Variants in CPEB1 observed in about 807,000 individuals in gnomAD.
CPEB1 encodes cytoplasmic polyadenylation element binding protein 1.
A neutral mutation model predicts 65.8 loss-of-function variants in CPEB1; 7 were observed. That is an observed-to-expected ratio of 0.11 (90% CI 0.06 to 0.20). CPEB1 has a LOEUF of 0.20. CPEB1 is among the 10% of genes least tolerant of loss of function. CPEB1 has a pLI of 1.00. For missense variants in CPEB1, 551 were observed against 712.2 expected, an observed-to-expected ratio of 0.77 and a Z score of 2.58; for synonymous variants, 262 against 260.0, an observed-to-expected ratio of 1.01 and a Z score of -0.08.
chr15:82,564,026 T>A (rs976179673), intron 4 of CPEB1, among the ~76,000 whole-genome samples: 1 of 152,124 alleles, frequency 6.6e-6, no homozygotes, highest in Non-Finnish European at 1.5e-5. Context: ...CTTTTTAAAG[T>A]CTCAAAAAAA....
chr15:82,589,748 C>T (rs1031661794), intron 3 of CPEB1, among the ~76,000 whole-genome samples: 4 of 152,132 alleles, frequency 2.6e-5, no homozygotes, highest in South Asian at 2.1e-4. Context: ...GTATTACAGT[C>T]GGCACTCCCT....
chr15:82,573,058 G>A (rs764215291), intron 3 of CPEB1: 1 of 1,535,472 alleles, frequency 6.5e-7, no homozygotes, highest in South Asian at 1.2e-5. Context: ...CTCCCCTGTT[G>A]CAAGGAGAAG....
At chr15:82,573,036 C>T in intron 3 of CPEB1, 2 of 1,534,638 alleles carry the variant, frequency 1.3e-6, no homozygotes, top group Non-Finnish European at 1.7e-6. Context: ...GGTAGCACTC[C>T]ACCTGCTTGT....
rs771971142 is a variant in CPEB1 at position 82,591,842 on chromosome 15, CT to C, written c.272-20311del. ...ATCATTGTTTTAGTTTGTATCAGAA[CT>C]TTTTTTTTTTTTTTTTTAAGACAGG... On this transcript the variant is annotated intron_variant, in intron 3 of 12. Transcript: ENST00000684509. 6.9e-3 allele frequency among the ~76,000 whole-genome samples: 920 copies of C among 134,014 alleles called. 2 individuals are homozygous for C. The highest frequency in any genetic ancestry group is 0.016 in the Middle Eastern group (4 of 254). 87.9% of individuals were successfully genotyped at this position (134,014 alleles called of 152,430 possible). A position where few individuals can be genotyped will look rare whatever the true frequency, so the allele number is the denominator to read the frequency against.
At chr15:82,545,023 A>G (rs2034915373) in intron 12 of CPEB1, among the ~76,000 whole-genome samples, 1 of 152,322 alleles carries the variant, frequency 6.6e-6, no homozygotes, top group East Asian at 1.9e-4. Context: ...CACCTCCTAC[A>G]GAGTAGTTGT....
intron 1 of CPEB1, among the ~76,000 whole-genome samples, chr15:82,635,598 ATAT>A (rs1366093853): frequency 6.6e-6 from 1 of 152,206 alleles, no homozygotes; most frequent in African/African-American, 2.4e-5. Context: ...GTTCAACCTA[ATAT>A]TATTTCGTAA....
chr15:82,612,484 G>T, intron 3 of CPEB1, among the ~76,000 whole-genome samples: 1 of 137,102 alleles, frequency 7.3e-6, no homozygotes, highest in South Asian at 2.4e-4. Flanking sequence ...GTAACAGAGC[G>T]AGAGTCTGTC....
chr15:82,548,606 G>T (rs1181979205), intron 10 of CPEB1: 2 of 395,110 alleles, frequency 5.1e-6, no homozygotes, highest in Non-Finnish European at 1.0e-5. Flanking sequence ...GATGCAGATA[G>T]AACACTTGTC....
At chr15:82,577,134 A>G (rs2040736580) in intron 3 of CPEB1, among the ~76,000 whole-genome samples, 1 of 152,242 alleles carries the variant, frequency 6.6e-6, no homozygotes, top group South Asian at 2.1e-4. Flanking sequence ...AGCAAATGGT[A>G]AGATTAAATC....
At position 82,547,211 on chromosome 15, in the gene CPEB1, G is replaced by T; in HGVS notation, c.1507C>A (p.Gln503Lys). 6.2e-7 allele frequency: 1 copy of T among 1,611,584 alleles called. No individual in the cohort carries two copies. Among genetic ancestry groups the T allele is most frequent in the Non-Finnish European group, 8.5e-7 (1 of 1,178,734 alleles). Reference protein sequence around the residue: ...IGSGRVTFNNQRSYLKAVSAA... With the variant: ...IGSGRVTFNNKRSYLKAVSAA... ...CTGACTGCTTTCAGGTAACTCCGTT[G>T]GTTATTGAAAGTCACACGACCAGAA... The change falls in exon 11 of 13, where the codon CAA becomes AAA. Residue 503 changes from glutamine to lysine, a missense_variant. This residue lies in a region of CPEB1 where 98 missense variants were observed against 157.6 expected (regional missense o/e 0.62). Coordinates refer to ENST00000684509, the MANE Select transcript of CPEB1 (RefSeq NM_001365242.1).
At chr15:82,571,752 T>A in intron 3 of CPEB1, 4 of 1,367,922 alleles carry the variant, frequency 2.9e-6, no homozygotes, top group Non-Finnish European at 3.8e-6. Flanking sequence ...CCCTATCCCG[T>A]CTGCATTACA....
intron 10 of CPEB1, among the ~76,000 whole-genome samples, chr15:82,548,167 T>C (rs538560933): frequency 6.2e-4 from 94 of 152,106 alleles, no homozygotes; most frequent in African/African-American, 2.2e-3. Context: ...AAACCCCGTC[T>C]CTACTAAAAA....
At chr15:82,589,503 G>A (rs1425458921) in intron 3 of CPEB1, among the ~76,000 whole-genome samples, 4 of 152,166 alleles carry the variant, frequency 2.6e-5, no homozygotes, top group Non-Finnish European at 2.9e-5. Context: ...TAGCACTTTG[G>A]GAGGCAGAGG....
intron 3 of CPEB1, among the ~76,000 whole-genome samples, chr15:82,601,247 A>AC (rs2151193496): frequency 1.3e-5 from 2 of 150,458 alleles, no homozygotes; most frequent in African/African-American, 4.9e-5. Flanking sequence ...CTTAAAAAAA[A>AC]AAAGATTTTT....
In CPEB1 at chr15:82,549,756, G is replaced by A. The variant is rs78408594; in HGVS notation, c.1282-98C>T. ...CGTGCTCTGGAGATACTGAAGCTAA[G>A]CTAACGCCCTTACAGGGGTGAAAAG... is the stretch of plus-strand genomic sequence containing the variant. On this transcript the variant is annotated intron_variant, in intron 9 of 12. Transcript: ENST00000684509. The A allele has an allele frequency of 2.5e-3, 3,026 of 1,195,826 alleles. 3 individuals are homozygous for A. The highest frequency in any genetic ancestry group is 4.2e-3 in the Middle Eastern group (22 of 5,202). The allele number at this position is 1,195,826 out of a possible 1,614,324, so 74.1% of individuals were successfully genotyped here.
At chr15:82,585,091 A>G (rs1718935206) in intron 3 of CPEB1, among the ~76,000 whole-genome samples, 1 of 152,118 alleles carries the variant, frequency 6.6e-6, no homozygotes, top group African/African-American at 2.4e-5. Context: ...ATAAATTTAA[A>G]TAAGCCACAA....
chr15:82,647,812 G>A, upstream of CPEB1: 21 of 1,282,198 alleles, frequency 1.6e-5, no homozygotes, highest in Non-Finnish European at 2.1e-5. Flanking sequence ...AGCTACTGCG[G>A]CCGGGACGCG....
chr15:82,556,075 C>T lies in CPEB1; in HGVS notation c.735G>A (p.Gly245=). 2 of 1,610,288 alleles carry T rather than the reference C, an allele frequency of 1.2e-6. No homozygotes were observed. The highest frequency in any genetic ancestry group is 2.2e-5 in the South Asian group (2 of 90,046). Residue 245 remains glycine, a synonymous_variant, in exon 6 of 13, where the codon GGG becomes GGA. Coordinates refer to ENST00000684509, the MANE Select transcript of CPEB1 (RefSeq NM_001365242.1). Reference sequence around the variant, plus strand: ...TCTTTAAAGGGTCTCTGGGACCACCCCCTGACAGAGACAGGAAGGGCAGAG... The same window carrying T: ...TCTTTAAAGGGTCTCTGGGACCACCTCCTGACAGAGACAGGAAGGGCAGAG... ...SPPLPFLSLS[G]GGPRDPLKMG...
chr15:82,560,571 A>T (rs1007721796), intron 4 of CPEB1, among the ~76,000 whole-genome samples: 10 of 151,894 alleles, frequency 6.6e-5, no homozygotes, highest in African/African-American at 1.9e-4. Flanking sequence ...TTTAAAAAAA[A>T]TTTTTAGTAG....
Sources: allele counts gnomAD v4.1 joint callset (sites outside exome capture counted in the v4.1 genomes callset), GRCh38; gene constraint gnomAD v4.1.1; regional missense constraint gnomAD v4.1.1; transcripts MANE v1.5; gene names NCBI Gene and HGNC (gene_info 2026-07-23, HGNC 2026-07-21).